DERA: variants seen among roughly 807,000 people sequenced by gnomAD.
The protein encoded by DERA is 2-deoxy-D-ribose 5-phosphate aldolase.
A neutral mutation model predicts 41.1 loss-of-function variants in DERA; 15 were observed. That is an observed-to-expected ratio of 0.37 (90% CI 0.24 to 0.56). The LOEUF is 0.56. DERA is among the 20% of genes least tolerant of loss of function. DERA has a pLI of 0.81. For synonymous variants in DERA, 139 were observed against 137.4 expected, an observed-to-expected ratio of 1.01 and a Z score of -0.08; for missense variants, 396 against 403.4, an observed-to-expected ratio of 0.98 and a Z score of 0.16.
intron 6 of DERA, among the ~76,000 whole-genome samples, chr12:15,997,731 C>T (rs1246410095): frequency 6.6e-6 from 1 of 152,198 alleles, no homozygotes; most frequent in Non-Finnish European, 1.5e-5. Context: ...GTCTGCCCAG[C>T]AGCTAGTAAA....
intron 5 of DERA, among the ~76,000 whole-genome samples, chr12:15,977,495 T>G (rs1217377413): frequency 6.6e-6 from 1 of 152,202 alleles, no homozygotes; most frequent in Non-Finnish European, 1.5e-5. Context: ...TCTTATTGCC[T>G]AGGCTGGAGT....
rs556822672 is a variant in DERA, at chr12:15,922,653, A to G, written c.31+11239A>G. On this transcript the variant is annotated intron_variant, in intron 1 of 8. Transcript: ENST00000428559. The surrounding 1 kb of genome is among the most constrained non-coding windows in gnomAD (Gnocchi z 4.9). ...AGTTGAAATTAGGTATCCTGTGGAA[A>G]GAATGTCAGGGAATGTGTACCTGCC... is the stretch of plus-strand genomic sequence containing the variant. 6.6e-6 allele frequency among the ~76,000 whole-genome samples: 1 copy of G among 152,306 alleles called. No individual in the cohort carries two copies. The highest frequency in any genetic ancestry group is 2.4e-5 in the African/African-American group (1 of 41,562).
chr12:15,950,631 C>G (rs1948490447), intron 1 of DERA, among the ~76,000 whole-genome samples: 1 of 152,144 alleles, frequency 6.6e-6, no homozygotes, highest in African/African-American at 2.4e-5. Context: ...ACATTTCTGC[C>G]TAGAACACTG....
chr12:16,007,576 A>C (rs1948920677), intron 6 of DERA, among the ~76,000 whole-genome samples: 1 of 152,236 alleles, frequency 6.6e-6, no homozygotes, highest in African/African-American at 2.4e-5. Context: ...ACTTAGTAGA[A>C]AGTGGATAGT....
chr12:15,965,626 T>G lies in DERA; in HGVS notation c.508+2679T>G, dbSNP rs1300984887. On this transcript the variant is annotated intron_variant, in intron 5 of 8. Coordinates refer to ENST00000428559, the MANE Select transcript of DERA (RefSeq NM_015954.4). This position sits in a 1 kb window ranked among gnomAD's most constrained non-coding sequence, Gnocchi z 4.1. Reference sequence around the variant, plus strand: ...ATTCGAGGAGACTGGAGTTTGGGGGTGGGGGAGGTTTGATATTCCTCTCTG... The same window carrying G: ...ATTCGAGGAGACTGGAGTTTGGGGGGGGGGGAGGTTTGATATTCCTCTCTG... 6.6e-6 allele frequency among the ~76,000 whole-genome samples: 1 copy of G among 151,918 alleles called. No homozygotes were observed. The highest frequency in any genetic ancestry group is 1.5e-5 in the Non-Finnish European group (1 of 67,992).
intron 1 of DERA, among the ~76,000 whole-genome samples, chr12:15,944,286 T>C (rs1348866284): frequency 6.6e-6 from 1 of 152,182 alleles, no homozygotes; most frequent in Non-Finnish European, 1.5e-5. Context: ...TAGTTCTAGA[T>C]CCTTGAGGAG....
rs894643380 is a variant in DERA at position 15,911,500 on chromosome 12, C to A, written c.31+86C>A. 1.5e-5 allele frequency: 19 copies of A among 1,299,706 alleles called. No homozygotes were observed. In the Middle Eastern group the frequency reaches 1.2e-3, roughly 81 times the overall value. 80.5% of individuals were successfully genotyped at this position (1,299,706 alleles called of 1,614,324 possible). On this transcript the variant is annotated intron_variant, in intron 1 of 8. Transcript: ENST00000428559. The surrounding 1 kb of genome is among the most constrained non-coding windows in gnomAD (Gnocchi z 4.5). ...CGCGGGGCCTGCTGCCGCCCAGTGC[C>A]CTGGCTGTGGGTCCCCGAGGGGTTT...
Position 16,026,714 on chromosome 12 carries a change from T to C in DERA, c.638-5828T>C, listed in dbSNP as rs1160539190. ...AAAGCACCAGCTCTAGATGGCTTCATTGGTGAATTCTGCCAAACATTTAAG... is the reference window on the plus strand; with the variant it reads ...AAAGCACCAGCTCTAGATGGCTTCACTGGTGAATTCTGCCAAACATTTAAG... On this transcript the variant is annotated intron_variant, in intron 6 of 8. Coordinates refer to ENST00000428559, the MANE Select transcript of DERA (RefSeq NM_015954.4). The surrounding 1 kb of genome is among the most constrained non-coding windows in gnomAD (Gnocchi z 4.4). Among the ~76,000 whole-genome samples, 1 of 151,968 alleles carries C rather than the reference T, an allele frequency of 6.6e-6. No individual in the cohort carries two copies. Among genetic ancestry groups the C allele is most frequent in the Non-Finnish European group, 1.5e-5 (1 of 67,952 alleles).
rs1948993010 is a variant in DERA at position 16,017,770 on chromosome 12, ACT to A, written c.638-14767_638-14766del. On this transcript the variant is annotated intron_variant, in intron 6 of 8. Transcript: ENST00000428559. This position sits in a 1 kb window ranked among gnomAD's most constrained non-coding sequence, Gnocchi z 5.5. ...GTTAGTGTCGGAATTACCATACGAAACTCTCTTTCTAACTTTAATCGGTAATT... is the reference window on the plus strand; with the variant it reads ...GTTAGTGTCGGAATTACCATACGAAACTCTTTCTAACTTTAATCGGTAATT... 6.6e-6 allele frequency among the ~76,000 whole-genome samples: 1 copy of A among 152,080 alleles called. No individual in the cohort carries two copies. Among genetic ancestry groups the A allele is most frequent in the Non-Finnish European group, 1.5e-5 (1 of 68,004 alleles).
chr12:15,982,545 T>G lies in DERA; in HGVS notation c.637+109T>G. On this transcript the variant is annotated intron_variant, in intron 6 of 8. Transcript: ENST00000428559. This position sits in a 1 kb window ranked among gnomAD's most constrained non-coding sequence, Gnocchi z 4.0. Reference sequence around the variant, plus strand: ...ATTAAACGTGCTAACCACTTGGAATTTTTTTGCGGGAGGAATCGGATATTT... The same window carrying G: ...ATTAAACGTGCTAACCACTTGGAATGTTTTTGCGGGAGGAATCGGATATTT... The G allele has an allele frequency of 8.1e-7, 1 of 1,234,044 alleles. No individual in the cohort carries two copies. Among genetic ancestry groups the G allele is most frequent in the Non-Finnish European group, 1.1e-6 (1 of 898,980 alleles). 76.4% of individuals were successfully genotyped at this position (1,234,044 alleles called of 1,614,324 possible).
chr12:15,934,766 A>G (rs1948353393), intron 1 of DERA, among the ~76,000 whole-genome samples: 2 of 152,206 alleles, frequency 1.3e-5, no homozygotes, highest in East Asian at 1.9e-4. Context: ...GGAAAACTAT[A>G]TAGTCCCAAC....
At chr12:15,963,647 T>C (rs997163122) in intron 5 of DERA, among the ~76,000 whole-genome samples, 4 of 152,202 alleles carry the variant, frequency 2.6e-5, no homozygotes, top group Non-Finnish European at 4.4e-5. Context: ...AAAAAAGTCA[T>C]TATAATAAAT....
At chr12:15,952,619 G>A (rs533325134) in intron 1 of DERA, among the ~76,000 whole-genome samples, 167 of 152,316 alleles carry the variant, frequency 1.1e-3, no homozygotes, top group African/African-American at 3.8e-3. Context: ...ATTTCATTGT[G>A]AAATCAATGT....
In DERA at chr12:16,036,463, G is replaced by C. The variant is rs1306705819; in HGVS notation, c.900+82G>C. On this transcript the variant is annotated intron_variant, in intron 8 of 8. Coordinates refer to ENST00000428559, the MANE Select transcript of DERA (RefSeq NM_015954.4). The surrounding 1 kb of genome is among the most constrained non-coding windows in gnomAD (Gnocchi z 4.9). ...TTGAAAAGTCAAATTGAGAACTGGAGATAAAAACTCATCTGATTGACCTCA... is the reference window on the plus strand; with the variant it reads ...TTGAAAAGTCAAATTGAGAACTGGACATAAAAACTCATCTGATTGACCTCA... 1 of 1,456,004 alleles carries C rather than the reference G, an allele frequency of 6.9e-7. No individual in the cohort carries two copies. Among genetic ancestry groups the C allele is most frequent in the African/African-American group, 1.4e-5 (1 of 69,930 alleles). The allele number at this position is 1,456,004 out of a possible 1,614,324, so 90.2% of individuals were successfully genotyped here. A position where few individuals can be genotyped will look rare whatever the true frequency, so the allele number is the denominator to read the frequency against.
At position 15,911,491 on chromosome 12, in the gene DERA, G is replaced by T; in HGVS notation, c.31+77G>T. On this transcript the variant is annotated intron_variant, in intron 1 of 8. Coordinates refer to ENST00000428559, the MANE Select transcript of DERA (RefSeq NM_015954.4). This position sits in a 1 kb window ranked among gnomAD's most constrained non-coding sequence, Gnocchi z 4.5. ...CGGGACTAGCGCGGGGCCTGCTGCC[G>T]CCCAGTGCCCTGGCTGTGGGTCCCC... The T allele has an allele frequency of 3.8e-6, 5 of 1,327,410 alleles. No homozygotes were observed. The highest frequency in any genetic ancestry group is 5.0e-6 in the Non-Finnish European group (5 of 1,006,694). 82.2% of individuals were successfully genotyped at this position (1,327,410 alleles called of 1,614,324 possible). A position where few individuals can be genotyped will look rare whatever the true frequency, so the allele number is the denominator to read the frequency against.
rs147356572 is a variant in DERA at position 15,971,283 on chromosome 12, C to G, written c.508+8336C>G. ...AAGATTATTTTCCTCACATGTGCTCCTAGGCTCTTGTCTTGATAGCCAGCG... is the reference window on the plus strand; with the variant it reads ...AAGATTATTTTCCTCACATGTGCTCGTAGGCTCTTGTCTTGATAGCCAGCG... On this transcript the variant is annotated intron_variant, in intron 5 of 8. Transcript: ENST00000428559. Among the ~76,000 whole-genome samples, 398 of 152,298 alleles carry G rather than the reference C, an allele frequency of 2.6e-3. 4 individuals carry two copies. The highest frequency in any genetic ancestry group is 9.2e-3 in the African/African-American group (381 of 41,546).
At position 15,943,637 on chromosome 12, in the gene DERA, C is replaced by T. The variant is rs1948424168; in HGVS notation, c.32-13299C>T. Among the ~76,000 whole-genome samples, 1 of 152,072 alleles carries T rather than the reference C, an allele frequency of 6.6e-6. No homozygotes were observed. The highest frequency in any genetic ancestry group is 6.6e-5 in the Admixed American group (1 of 15,258). On this transcript the variant is annotated intron_variant, in intron 1 of 8. Coordinates refer to ENST00000428559, the MANE Select transcript of DERA (RefSeq NM_015954.4). This position sits in a 1 kb window ranked among gnomAD's most constrained non-coding sequence, Gnocchi z 4.5. Reference sequence around the variant, plus strand: ...TGAAACAGAACTTCCACGAATGATCCTACCTGTATAACATGTGCTGTATCT... The same window carrying T: ...TGAAACAGAACTTCCACGAATGATCTTACCTGTATAACATGTGCTGTATCT...
intron 1 of DERA, among the ~76,000 whole-genome samples, chr12:15,930,831 A>G (rs556357392): frequency 6.6e-6 from 1 of 152,218 alleles, no homozygotes; most frequent in South Asian, 2.1e-4. Context: ...TATTACCTTA[A>G]ATTCATGGTA....
intron 6 of DERA, among the ~76,000 whole-genome samples, chr12:15,997,474 C>T (rs1948846349): frequency 6.6e-6 from 1 of 151,890 alleles, no homozygotes. Flanking sequence ...AATGAAGGGC[C>T]CTGCGTGTTA....
Sources: gnomAD v4.1 joint callset for allele counts (sites outside exome capture counted in the v4.1 genomes callset) on GRCh38, gnomAD v4.1.1 for gene constraint, Gnocchi (gnomAD v3.1) non-coding constraint, MANE v1.5 for transcripts, NCBI Gene and HGNC (gene_info 2026-07-23, HGNC 2026-07-21) for gene names.